The following ZNF721 variants were observed in gnomAD, a reference collection of about 807,000 sequenced individuals.
The protein encoded by ZNF721 is zinc finger protein 721.
ZNF721 carries 2 observed loss-of-function variants against 2.4 expected under a neutral mutation model. That is an observed-to-expected ratio of 0.82 (90% CI 0.34 to 2.58). The LOEUF (loss-of-function observed/expected upper bound fraction) is 2.58, where lower values mean the gene tolerates loss of function less well. Among genes scored for constraint, ZNF721 ranks in the 30% most tolerant of loss-of-function variants. The pLI is 0.11. For missense variants in ZNF721, 1,187 were observed against 1,085.5 expected (o/e 1.09, Z -1.31); for synonymous variants, 398 against 381.8 (o/e 1.04, Z -0.50).
At chr4:450,365 G>A (rs1364967076) in intron 2 of ZNF721, among the ~76,000 whole-genome samples, 5 of 152,096 alleles carry the variant, frequency 3.3e-5, no homozygotes, top group African/African-American at 1.2e-4. Context: ...TTTGATATTT[G>A]CCACAACACA....
chr4:498,109 G>A (rs1322858370), intron 1 of ZNF721, among the ~76,000 whole-genome samples: 3 of 151,130 alleles, frequency 2.0e-5, no homozygotes, highest in African/African-American at 7.3e-5. Flanking sequence ...GGAGGCTGAG[G>A]CAGGAGAATT....
rs1484467356 is a variant in ZNF721, at chr4:442,959, C to T, written c.1508G>A (p.Cys503Tyr). ...AGTAAACGCTTTACCACATTCTAAA[C>T]ATTCAAAGGGTTTCTCGCCAGTATG... ...RIHTGEKPFE[C>Y]LECGKAFTSS... The change falls in exon 3 of 3, where the codon TGT (cysteine) becomes TAT (tyrosine). Residue 503 changes from cysteine to tyrosine, a missense_variant. Cys to Tyr is a radical substitution (Grantham distance 194, BLOSUM62 -2). Transcript: ENST00000511833. The T allele has an allele frequency of 6.2e-7, 1 of 1,613,714 alleles. No individual in the cohort carries two copies. The highest frequency in any genetic ancestry group is 8.5e-7 in the Non-Finnish European group (1 of 1,179,854).
chr4:451,561 T>C (rs1361712578), intron 2 of ZNF721, among the ~76,000 whole-genome samples: 1 of 152,216 alleles, frequency 6.6e-6, no homozygotes, highest in African/African-American at 2.4e-5. Flanking sequence ...GAATTCTCCA[T>C]AGTCTGGTGA....
At chr4:449,583 G>C (rs1714582690) in intron 2 of ZNF721, among the ~76,000 whole-genome samples, 1 of 152,014 alleles carries the variant, frequency 6.6e-6, no homozygotes, top group African/African-American at 2.4e-5. Context: ...ATGCAAATGG[G>C]ATTACAACAA....
intron 2 of ZNF721, among the ~76,000 whole-genome samples, chr4:446,707 T>C (rs1714486911): frequency 6.6e-6 from 1 of 151,726 alleles, no homozygotes; most frequent in African/African-American, 2.4e-5. Context: ...TTCTTTTTTT[T>C]CTTTTTAGAC....
rs188901398 is a variant in ZNF721, at chr4:490,723, G to A, written c.-94+8333C>T. Among the ~76,000 whole-genome samples the A allele has an allele frequency of 2.3e-3, 350 of 152,290 alleles. 1 individual carries two copies. The highest frequency in any genetic ancestry group is 4.0e-3 in the Non-Finnish European group (274 of 68,026). ...ATTGTTTCCATTTGTGAACAAGTGT[G>A]TGTGTGTGCACGTGTGCATGCGTGC... On this transcript the variant is annotated intron_variant, in intron 1 of 2. Coordinates refer to ENST00000511833, the MANE Select transcript of ZNF721 (RefSeq NM_133474.4).
intron 1 of ZNF721, among the ~76,000 whole-genome samples, chr4:478,834 A>C (rs1553869000): frequency 9.4e-5 from 14 of 149,662 alleles, no homozygotes. Context: ...CAGTGGCACG[A>C]TCTCAGCTCG....
intron 1 of ZNF721, among the ~76,000 whole-genome samples, chr4:477,551 T>A (rs1359772659): frequency 2.6e-5 from 4 of 152,088 alleles, no homozygotes; most frequent in African/African-American, 7.2e-5. Flanking sequence ...TAATGAGTTA[T>A]CTCATATCAC....
rs551394302 is a variant in ZNF721 at position 486,234 on chromosome 4, T to A, written c.-94+12822A>T. ...CATGCAGTGGCGCGATCTTGGCTCA[T>A]TGCAACTTCTGCCTCCTGGGTTCAC... On this transcript the variant is annotated intron_variant, in intron 1 of 2. Transcript: ENST00000511833. 9.2e-5 allele frequency among the ~76,000 whole-genome samples: 14 copies of A among 151,494 alleles called. No homozygotes were observed. In the East Asian group the frequency reaches 2.2e-3, roughly 23 times the overall value.
At chr4:494,975 C>T (rs1553872008) in intron 1 of ZNF721, among the ~76,000 whole-genome samples, 1 of 151,308 alleles carries the variant, frequency 6.6e-6, no homozygotes, top group African/African-American at 2.4e-5. Context: ...CTGCAAGCTC[C>T]GGGTTCACGC....
chr4:487,482 T>C (rs1229760804), intron 1 of ZNF721, among the ~76,000 whole-genome samples: 1 of 152,302 alleles, frequency 6.6e-6, no homozygotes, highest in Admixed American at 6.5e-5. Flanking sequence ...ATGGCCCAGC[T>C]AAGCCCAGCC....
intron 2 of ZNF721, among the ~76,000 whole-genome samples, chr4:464,298 C>T (rs6848016): frequency 0.073 from 11,005 of 151,630 alleles, 690 homozygotes; most frequent in African/African-American, 0.18. Context: ...TGGTGAAACC[C>T]ATCTCTACTA....
At chr4:480,146 A>C (rs17721028) in intron 1 of ZNF721, among the ~76,000 whole-genome samples, 27,655 of 152,156 alleles carry the variant, frequency 0.18, 3,155 homozygotes, top group Middle Eastern at 0.26. Context: ...ATCACCAATC[A>C]CATTATGCAT....
At chr4:498,364 G>C (rs1404915064) in intron 1 of ZNF721, among the ~76,000 whole-genome samples, 1 of 152,126 alleles carries the variant, frequency 6.6e-6, no homozygotes, top group African/African-American at 2.4e-5. Flanking sequence ...CTCTCCAAAG[G>C]AGGCTATCAA....
intron 1 of ZNF721, among the ~76,000 whole-genome samples, chr4:474,649 G>T (rs1012537918): frequency 6.6e-5 from 10 of 152,156 alleles, no homozygotes; most frequent in African/African-American, 2.4e-4. Flanking sequence ...GGCCGAGGTG[G>T]GGGGATCACG....
chr4:498,454 T>G (rs1282095242), intron 1 of ZNF721, among the ~76,000 whole-genome samples: 2 of 152,252 alleles, frequency 1.3e-5, no homozygotes, highest in East Asian at 1.9e-4. Flanking sequence ...TCCGAGCTTG[T>G]CTTTTCCCTT....
In ZNF721 at chr4:472,720, C is replaced by A. The variant is rs937812169; in HGVS notation, c.-93-19G>T. The A allele has an allele frequency of 6.2e-7, 1 of 1,609,950 alleles. No homozygotes were observed. The highest frequency in any genetic ancestry group is 8.5e-7 in the Non-Finnish European group (1 of 1,179,154). On this transcript the variant is annotated intron_variant, in intron 1 of 2. Transcript: ENST00000511833. ...AGGGTTCCTGAAAATACATATGTATCAAGTGACAGAGTTCTTAATTTGACT... is the reference window on the plus strand; with the variant it reads ...AGGGTTCCTGAAAATACATATGTATAAAGTGACAGAGTTCTTAATTTGACT...
chr4:464,597 A>G (rs555248692), intron 2 of ZNF721, among the ~76,000 whole-genome samples: 2 of 152,278 alleles, frequency 1.3e-5, no homozygotes, highest in South Asian at 4.1e-4. Flanking sequence ...AAAAAGATGT[A>G]AAGTGTGACA....
intron 1 of ZNF721, among the ~76,000 whole-genome samples, chr4:493,060 T>TA (rs1716064282): frequency 6.6e-6 from 1 of 151,948 alleles, no homozygotes; most frequent in South Asian, 2.1e-4. Context: ...CACAAGTATT[T>TA]ATCACATTAC....
Sources: gnomAD v4.1 joint callset for allele counts (sites outside exome capture counted in the v4.1 genomes callset) on GRCh38, gnomAD v4.1.1 for gene constraint, MANE v1.5 for transcripts, NCBI Gene and HGNC (gene_info 2026-07-23, HGNC 2026-07-21) for gene names.